KDM4C: variants seen among roughly 807,000 people sequenced by gnomAD.
The protein encoded by KDM4C is lysine demethylase 4C.
KDM4C carries 81 observed loss-of-function variants against 129.3 expected under a neutral mutation model. The ratio of observed to expected loss-of-function variants is 0.63; its 90% CI spans 0.52 to 0.75. The LOEUF (loss-of-function observed/expected upper bound fraction) is 0.75, where lower values mean the gene tolerates loss of function less well. Ranked by LOEUF, KDM4C falls within the 30% of genes least tolerant of loss-of-function variation. The pLI, the probability that KDM4C is intolerant of heterozygous loss-of-function variation, is 0.00. For missense variants in KDM4C, 1,457 were observed against 1,304.0 expected (o/e 1.12, Z -1.81); for synonymous variants, 573 against 456.1 (o/e 1.26, Z -3.26).
chr9:7,021,140 G>GTGTATA (rs111565497), intron 15 of KDM4C, among the ~76,000 whole-genome samples: 22 of 146,952 alleles, frequency 1.5e-4, no homozygotes, highest in African/African-American at 3.8e-4. Context: ...GTGTGTGTGT[G>GTGTATA]TATATATATA....
At chr9:6,947,826 TA>T (rs142892169) in intron 8 of KDM4C, among the ~76,000 whole-genome samples, 44,335 of 151,446 alleles carry the variant, frequency 0.29, 6,827 homozygotes, top group South Asian at 0.46. Flanking sequence ...TGTTCCTTGA[TA>T]TTTTTTTTTT....
intron 4 of KDM4C, among the ~76,000 whole-genome samples, chr9:6,821,071 T>A (rs1333680368): frequency 6.6e-6 from 1 of 152,208 alleles, no homozygotes; most frequent in Non-Finnish European, 1.5e-5. Flanking sequence ...TATGGCTACA[T>A]AGTATTCCAT....
intron 8 of KDM4C, among the ~76,000 whole-genome samples, chr9:6,948,791 C>G (rs936492960): frequency 3.3e-5 from 5 of 151,926 alleles, no homozygotes; most frequent in Non-Finnish European, 4.4e-5. Context: ...CAGAGAGCAC[C>G]GGGTTGGGGG....
At chr9:7,066,620 T>G (rs1047134351) in intron 17 of KDM4C, among the ~76,000 whole-genome samples, 4 of 152,214 alleles carry the variant, frequency 2.6e-5, no homozygotes, top group Admixed American at 1.3e-4. Flanking sequence ...GTGGTATTTG[T>G]TAACATAAAA....
At chr9:6,851,082 G>A (rs1209711907) in intron 5 of KDM4C, among the ~76,000 whole-genome samples, 1 of 152,140 alleles carries the variant, frequency 6.6e-6, no homozygotes, top group Non-Finnish European at 1.5e-5. Flanking sequence ...AGGTGGTCTA[G>A]GACTCATACA....
At chr9:7,065,638 G>A (rs908226840) in intron 17 of KDM4C, among the ~76,000 whole-genome samples, 5 of 152,264 alleles carry the variant, frequency 3.3e-5, no homozygotes, top group African/African-American at 1.2e-4. Context: ...TTTTTACAAT[G>A]ATGAATTGAC....
At chr9:6,742,059 A>G (rs1054989894) in intron 1 of KDM4C, among the ~76,000 whole-genome samples, 52 of 151,114 alleles carry the variant, frequency 3.4e-4, no homozygotes, top group Admixed American at 2.1e-3. Context: ...TGCAACCTCC[A>G]CCTCCCGGGT....
chr9:6,807,954 C>T lies in KDM4C; in HGVS notation c.320+2180C>T, dbSNP rs555292691. Among the ~76,000 whole-genome samples the T allele has an allele frequency of 3.9e-5, 5 of 128,340 alleles. No individual in the cohort carries two copies. The East Asian group carries it at 1.1e-3, about 28-fold the overall frequency. The allele number at this position is 128,340 out of a possible 152,430, so 84.2% of individuals were successfully genotyped here. On this transcript the variant is annotated intron_variant, in intron 3 of 21. Transcript: ENST00000381309. ...CGGGAGGGAGGTGGGGGGGTCAGCCCCCCGCCCGGCCAGCCGCCCCGTCCG... is the reference window on the plus strand; with the variant it reads ...CGGGAGGGAGGTGGGGGGGTCAGCCTCCCGCCCGGCCAGCCGCCCCGTCCG...
intron 8 of KDM4C, among the ~76,000 whole-genome samples, chr9:6,964,097 A>G (rs1830484065): frequency 6.6e-6 from 1 of 152,120 alleles, no homozygotes; most frequent in Admixed American, 6.5e-5. Flanking sequence ...TATTTTATTT[A>G]TTTCAGTTAT....
chr9:7,064,874 T>A (rs1269056224), intron 17 of KDM4C, among the ~76,000 whole-genome samples: 2 of 152,204 alleles, frequency 1.3e-5, no homozygotes, highest in East Asian at 3.8e-4. Flanking sequence ...TGGCCAGTGA[T>A]GATAATGTAT....
In KDM4C at chr9:6,774,655, TA is replaced by T. The variant is rs906287814; in HGVS notation, c.-18+16462del. Among the ~76,000 whole-genome samples the T allele has an allele frequency of 2.7e-4, 41 of 151,108 alleles. 1 individual carries two copies. The highest frequency in any genetic ancestry group is 9.0e-4 in the African/African-American group (37 of 41,280). On this transcript the variant is annotated intron_variant, in intron 1 of 21. Coordinates refer to ENST00000381309, the MANE Select transcript of KDM4C (RefSeq NM_015061.6). Reference sequence around the variant, plus strand: ...ACTCCAGCATGGGTGACAGAGTGTTTAAAAAAAAAATTTTAACATAGCATTA... The same window carrying T: ...ACTCCAGCATGGGTGACAGAGTGTTTAAAAAAAAATTTTAACATAGCATTA...
intron 8 of KDM4C, among the ~76,000 whole-genome samples, chr9:6,956,031 T>C (rs748010057): frequency 6.6e-6 from 1 of 152,196 alleles, no homozygotes; most frequent in Non-Finnish European, 1.5e-5. Context: ...TTCTCACTTA[T>C]TTATGAGATC....
chr9:7,018,264 G>A (rs1289539798), intron 15 of KDM4C, among the ~76,000 whole-genome samples: 2 of 152,156 alleles, frequency 1.3e-5, no homozygotes, highest in Non-Finnish European at 2.9e-5. Flanking sequence ...CCTAAACATA[G>A]AAAAGGTACA....
At chr9:6,971,009 T>C (rs1288135505) in intron 8 of KDM4C, among the ~76,000 whole-genome samples, 1 of 152,198 alleles carries the variant, frequency 6.6e-6, no homozygotes, top group Non-Finnish European at 1.5e-5. Flanking sequence ...CTGCTGCAGC[T>C]TATATTTATG....
intron 8 of KDM4C, among the ~76,000 whole-genome samples, chr9:6,963,657 G>A (rs558887404): frequency 6.6e-6 from 1 of 152,314 alleles, no homozygotes; most frequent in East Asian, 1.9e-4. Flanking sequence ...GATACTGATG[G>A]TTTCATTGCT....
chr9:6,761,393 G>A (rs1474086734), intron 1 of KDM4C, among the ~76,000 whole-genome samples: 2 of 151,944 alleles, frequency 1.3e-5, no homozygotes, highest in Non-Finnish European at 2.9e-5. Flanking sequence ...GAGTGCAGCA[G>A]TGACAGTCTC....
intron 18 of KDM4C, among the ~76,000 whole-genome samples, chr9:7,111,126 G>T (rs369774398): frequency 8.7e-5 from 13 of 148,712 alleles, no homozygotes; most frequent in Non-Finnish European, 1.3e-4. Context: ...TTTTTTTTTT[G>T]ATGAGACAGT....
At chr9:7,119,724 A>G (rs1040690146) in intron 18 of KDM4C, among the ~76,000 whole-genome samples, 2 of 152,156 alleles carry the variant, frequency 1.3e-5, no homozygotes, top group Admixed American at 6.5e-5. Flanking sequence ...ATTTGAAAAC[A>G]TAGTTCTGAG....
intron 8 of KDM4C, among the ~76,000 whole-genome samples, chr9:6,927,575 G>T (rs903958401): frequency 6.6e-6 from 1 of 152,192 alleles, no homozygotes; most frequent in Non-Finnish European, 1.5e-5. Flanking sequence ...CTCCCCAAAA[G>T]AAGACCCTTT....
Sources: allele counts gnomAD v4.1 joint callset (sites outside exome capture counted in the v4.1 genomes callset), GRCh38; gene constraint gnomAD v4.1.1; transcripts MANE v1.5; gene names NCBI Gene and HGNC (gene_info 2026-07-23, HGNC 2026-07-21).